NUP188: variants seen among roughly 807,000 people sequenced by gnomAD.
NUP188 encodes nucleoporin 188.
A neutral mutation model predicts 223.0 loss-of-function variants in NUP188; 97 were observed. That is an observed-to-expected ratio of 0.43 (90% CI 0.37 to 0.51). The LOEUF (loss-of-function observed/expected upper bound fraction) is 0.51, where lower values mean the gene tolerates loss of function less well. Among genes scored for constraint, NUP188 ranks in the 20% least tolerant of loss-of-function variants. The probability of loss-of-function intolerance (pLI) is 0.00; values close to 1 mark genes in which losing one functional copy is unlikely to be tolerated. For missense variants in NUP188, 1,947 were observed against 2,175.6 expected (o/e 0.89, Z 2.09); for synonymous variants, 869 against 828.0 (o/e 1.05, Z -0.85).
At chr9:128,975,278 C>T (rs554189207) in intron 12 of NUP188, among the ~76,000 whole-genome samples, 79 of 134,278 alleles carry the variant, frequency 5.9e-4, no homozygotes, top group Middle Eastern at 4.9e-3. Flanking sequence ...GGCTGGAGTG[C>T]GGTGGCATGA....
intron 12 of NUP188, among the ~76,000 whole-genome samples, chr9:128,978,556 CAAAAAA>C (rs57813508): frequency 2.1e-4 from 14 of 67,632 alleles, no homozygotes; most frequent in Admixed American, 3.2e-4. Flanking sequence ...GAGTGAGACT[CAAAAAA>C]AAAAAAAAAA....
intron 29 of NUP188, 87 bp from the exon 30 acceptor site, chr9:128,995,232 G>T (rs989031339): frequency 8.8e-7 from 1 of 1,135,834 alleles, no homozygotes; most frequent in Non-Finnish European, 1.3e-6. Context: ...ATGCAAGGTC[G>T]TTTTCTCTGC....
chr9:128,949,983 C>T (rs1841758110), intron 2 of NUP188, among the ~76,000 whole-genome samples: 1 of 136,814 alleles, frequency 7.3e-6, no homozygotes, highest in African/African-American at 2.8e-5. Context: ...GTGTAAGTAG[C>T]TCGATCTTGG....
At chr9:128,989,624 G>A (rs1842386022) in intron 24 of NUP188, among the ~76,000 whole-genome samples, 2 of 152,010 alleles carry the variant, frequency 1.3e-5, no homozygotes, top group Middle Eastern at 3.4e-3. Flanking sequence ...ACTTGAGGTC[G>A]GGTTCAAGAC....
At chr9:128,984,010 C>T (rs1842294027) in intron 19 of NUP188, among the ~76,000 whole-genome samples, 2 of 151,544 alleles carry the variant, frequency 1.3e-5, no homozygotes, top group African/African-American at 2.4e-5. Context: ...TTAATAGAGA[C>T]GAGGTCTTAC....
intron 38 of NUP188, chr9:129,004,017 C>T (rs1460347668): frequency 2.1e-5 from 4 of 194,388 alleles, no homozygotes; most frequent in Non-Finnish European, 3.1e-5. Flanking sequence ...TAGGCTCACG[C>T]CTGTAATCCC....
At position 129,001,876 on chromosome 9, in the gene NUP188, C is replaced by A. The variant is rs763875314; in HGVS notation, c.4045-8C>A. ...TCCATCTCATTTCCTGTCTTTCCCT[C>A]CTCCCAGGGAGCCACAGCAGTGGCT... On this transcript the variant is annotated splice_polypyrimidine_tract_variant and splice_region_variant and intron_variant, in intron 35 of 43. Transcript: ENST00000372577. 1.2e-6 allele frequency: 2 copies of A among 1,613,532 alleles called. No homozygotes were observed. The highest frequency in any genetic ancestry group is 2.2e-5 in the South Asian group (2 of 91,078).
At chr9:128,954,100 G>T (rs902866366) in intron 3 of NUP188, among the ~76,000 whole-genome samples, 2 of 152,186 alleles carry the variant, frequency 1.3e-5, no homozygotes, top group Non-Finnish European at 2.9e-5. Flanking sequence ...AAAGTGCTGA[G>T]ATTACAGGCG....
chr9:128,986,466 G>A, intron 20 of NUP188, 92 bp from the exon 21 acceptor site: 2 of 1,325,732 alleles, frequency 1.5e-6, no homozygotes, highest in Non-Finnish European at 2.1e-6. Context: ...GATTTCCTTT[G>A]GACCTATCTA....
rs1413013340 is a variant in NUP188, at chr9:128,980,686, G to T, written c.1350G>T (p.Leu450=). ...FPHLLSPLLQ[L]LRALVSGKST... ...ACCTTCTCTCCCCACTCCTGCAACT[G>T]CTCCGAGCCCTGGTATCAGGGAAGT... The change falls in exon 14 of 44, where the codon CTG becomes CTT. Residue 450 remains leucine, a synonymous_variant. Transcript: ENST00000372577. 6.2e-7 allele frequency: 1 copy of T among 1,614,088 alleles called. No individual in the cohort carries two copies. The highest frequency in any genetic ancestry group is 1.1e-5 in the South Asian group (1 of 91,068).
At chr9:128,987,090 T>A (rs10988169) in intron 22 of NUP188, among the ~76,000 whole-genome samples, 31,494 of 93,102 alleles carry the variant, frequency 0.34, 3,613 homozygotes, top group Middle Eastern at 0.39. Context: ...AGAGAGAGAG[T>A]GTGTGTGTGT....
chr9:128,996,585 C>A (rs1445554048), intron 30 of NUP188, among the ~76,000 whole-genome samples: 1 of 152,114 alleles, frequency 6.6e-6, no homozygotes, highest in African/African-American at 2.4e-5. Context: ...CTAGGAGGGG[C>A]AGGTTTGTGG....
At chr9:128,949,565 T>C (rs1413824103) in intron 2 of NUP188, among the ~76,000 whole-genome samples, 1 of 151,966 alleles carries the variant, frequency 6.6e-6, no homozygotes. Context: ...CTCCCGACCT[T>C]AGGTGATCTG....
chr9:128,985,332 A>T (rs1279024194), intron 20 of NUP188: 1 of 230,286 alleles, frequency 4.3e-6, no homozygotes, highest in African/African-American at 2.3e-5. Flanking sequence ...ATCATATCCC[A>T]GTATATATAC....
chr9:128,969,709 A>T (rs1842080016), intron 10 of NUP188, among the ~76,000 whole-genome samples, 195 bp downstream of exon 10: 1 of 152,184 alleles, frequency 6.6e-6, no homozygotes, highest in Non-Finnish European at 1.5e-5. Flanking sequence ...GCTGGAATGC[A>T]GTGGCGTGGT....
chr9:128,981,305 T>G lies in NUP188; in HGVS notation c.1431T>G (p.Leu477=), dbSNP rs1363370522. ...ATAAGATGTCTTTCTACAATGAACT[T>G]TATAAACACAAGCCTCATGATGTGA... ...FLDKMSFYNE[L]YKHKPHDVIS... The change falls in exon 15 of 44, where the codon CTT becomes CTG. Residue 477 remains leucine, a synonymous_variant. Coordinates refer to ENST00000372577, the MANE Select transcript of NUP188 (RefSeq NM_015354.3). 1 of 1,613,948 alleles carries G rather than the reference T, an allele frequency of 6.2e-7. No individual in the cohort carries two copies. The highest frequency in any genetic ancestry group is 8.5e-7 in the Non-Finnish European group (1 of 1,179,940).
intron 32 of NUP188, among the ~76,000 whole-genome samples, chr9:128,998,856 CTTT>C (rs570377284): frequency 3.2e-5 from 4 of 125,794 alleles, no homozygotes; most frequent in Admixed American, 1.7e-4. Context: ...ACCCCGTATT[CTTT>C]TTTTTTTTTT....
At chr9:128,971,267 C>G (rs1842100682) in intron 11 of NUP188, among the ~76,000 whole-genome samples, 1 of 152,120 alleles carries the variant, frequency 6.6e-6, no homozygotes, top group African/African-American at 2.4e-5. Flanking sequence ...AACTCTTTGC[C>G]AGTAAAGTAT....
intron 8 of NUP188, among the ~76,000 whole-genome samples, chr9:128,963,282 ATTTTT>A (rs1177267491): frequency 7.2e-6 from 1 of 138,778 alleles, no homozygotes. Context: ...GTAAATGTAA[ATTTTT>A]TTTTTTTTTT....
Sources: allele counts gnomAD v4.1 joint callset (sites outside exome capture counted in the v4.1 genomes callset), GRCh38; gene constraint gnomAD v4.1.1; transcripts MANE v1.5; gene names NCBI Gene and HGNC (gene_info 2026-07-23, HGNC 2026-07-21).